Variants in SCHIP1 observed in about 807,000 individuals in gnomAD.
The protein encoded by SCHIP1 is schwannomin-interacting protein 1.
Under a neutral mutation model 29.7 loss-of-function variants are expected in SCHIP1, and 8 were observed. The ratio of observed to expected loss-of-function variants is 0.27; its 90% confidence interval spans 0.16 to 0.49. The LOEUF is 0.49. Ranked by LOEUF, SCHIP1 falls within the 20% of genes least tolerant of loss-of-function variation. The pLI is 0.99. For synonymous variants in SCHIP1, 76 were observed against 94.9 expected (o/e 0.80, Z 1.16); for missense variants, 193 against 294.6 (o/e 0.66, Z 2.52).
chr3:159,659,975 T>C, the SCHIP1 span, among the ~76,000 whole-genome samples: 4 of 152,186 alleles, frequency 2.6e-5, no homozygotes, highest in African/African-American at 4.8e-5. Context: ...TCAAGCAACA[T>C]AGGACACCAT....
chr3:159,449,398 T>C, the SCHIP1 span, among the ~76,000 whole-genome samples: 1 of 152,188 alleles, frequency 6.6e-6, no homozygotes, highest in Admixed American at 6.5e-5. Flanking sequence ...CCTCCTTTTT[T>C]ATTAAAGCAC....
At chr3:159,807,856 C>G in the SCHIP1 span, among the ~76,000 whole-genome samples, 2 of 152,188 alleles carry the variant, frequency 1.3e-5, no homozygotes, top group Non-Finnish European at 2.9e-5. Flanking sequence ...TCCCAATAAC[C>G]CTGTAAGGCA....
the SCHIP1 span, among the ~76,000 whole-genome samples, chr3:159,433,677 T>C: frequency 1.3e-5 from 2 of 152,158 alleles, no homozygotes; most frequent in Non-Finnish European, 2.9e-5. Flanking sequence ...TATCTCAGTT[T>C]TCTTGTCTGT....
the SCHIP1 span, among the ~76,000 whole-genome samples, chr3:159,323,472 C>T: frequency 7.2e-5 from 11 of 152,184 alleles, no homozygotes; most frequent in African/African-American, 2.6e-4. Flanking sequence ...GGTGATTGGT[C>T]TGTGTACACA....
the SCHIP1 span, among the ~76,000 whole-genome samples, chr3:159,308,883 C>A: frequency 2.6e-5 from 4 of 152,178 alleles, no homozygotes; most frequent in Admixed American, 2.6e-4. Context: ...GAGCTGGAGG[C>A]CATAATCCTA....
chr3:159,806,234 C>T, the SCHIP1 span, among the ~76,000 whole-genome samples: 3 of 152,190 alleles, frequency 2.0e-5, no homozygotes, highest in Non-Finnish European at 4.4e-5. Flanking sequence ...TTGTGGAATA[C>T]CCACTATCTG....
At chr3:159,713,387 G>A in the SCHIP1 span, among the ~76,000 whole-genome samples, 734 of 152,240 alleles carry the variant, frequency 4.8e-3, 9 homozygotes, top group Admixed American at 0.022. Context: ...AGTGCATGGA[G>A]GAAGATATGA....
chr3:159,449,944 AAGAG>A, the SCHIP1 span, among the ~76,000 whole-genome samples: 62 of 151,994 alleles, frequency 4.1e-4, no homozygotes, highest in Non-Finnish European at 7.8e-4. Flanking sequence ...AGGAAAGAAA[AAGAG>A]AGAGAAGAGA....
the SCHIP1 span, among the ~76,000 whole-genome samples, chr3:159,605,186 TAGA>T: frequency 6.6e-6 from 1 of 152,104 alleles, no homozygotes; most frequent in Non-Finnish European, 1.5e-5. Context: ...GGCGAAGCAT[TAGA>T]AGGAGGGTGG....
chr3:159,429,186 A>G, the SCHIP1 span, among the ~76,000 whole-genome samples: 1 of 150,026 alleles, frequency 6.7e-6, no homozygotes, highest in Non-Finnish European at 1.5e-5. Flanking sequence ...CCTAAAACTT[A>G]AAGTATAATA....
the SCHIP1 span, among the ~76,000 whole-genome samples, chr3:159,614,310 A>G: frequency 6.6e-6 from 1 of 152,202 alleles, no homozygotes; most frequent in Non-Finnish European, 1.5e-5. Flanking sequence ...TGCAACTGTA[A>G]ATCTAAAGGC....
the SCHIP1 span, among the ~76,000 whole-genome samples, chr3:159,554,856 G>T: frequency 6.6e-6 from 1 of 151,836 alleles, no homozygotes; most frequent in Non-Finnish European, 1.5e-5. Flanking sequence ...AAGTTGCTGT[G>T]GCAAATACTA....
chr3:159,792,565 T>G, the SCHIP1 span, among the ~76,000 whole-genome samples: 1 of 152,238 alleles, frequency 6.6e-6, no homozygotes, highest in African/African-American at 2.4e-5. Flanking sequence ...TTTTGTTTGC[T>G]TAGATATCTG....
chr3:159,307,434 T>G, the SCHIP1 span, among the ~76,000 whole-genome samples: 1 of 152,176 alleles, frequency 6.6e-6, no homozygotes, highest in African/African-American at 2.4e-5. Context: ...ACATATCTAG[T>G]ACATATGCAT....
chr3:159,886,380 C>A, intron 3 of SCHIP1, 56 bp downstream of exon 4: 3 of 1,522,228 alleles, frequency 2.0e-6, no homozygotes, highest in Non-Finnish European at 2.7e-6. Context: ...GGCCATTTAG[C>A]TTCTTTTCTG....
At chr3:159,832,906 C>G in the SCHIP1 span, among the ~76,000 whole-genome samples, 2 of 152,138 alleles carry the variant, frequency 1.3e-5, no homozygotes, top group Non-Finnish European at 2.9e-5. Context: ...ATGACTGTTA[C>G]TACAGTATAT....
chr3:159,640,957 C>A, the SCHIP1 span, among the ~76,000 whole-genome samples: 1 of 152,160 alleles, frequency 6.6e-6, no homozygotes, highest in African/African-American at 2.4e-5. Context: ...TCATGGTGGA[C>A]ACACATTTTT....
chr3:159,466,279 T>C, the SCHIP1 span, among the ~76,000 whole-genome samples: 1 of 152,012 alleles, frequency 6.6e-6, no homozygotes, highest in South Asian at 2.1e-4. Context: ...ATTGTGCTAC[T>C]GCACTGCAGA....
chr3:159,376,568 C>A, the SCHIP1 span, among the ~76,000 whole-genome samples: 1 of 152,148 alleles, frequency 6.6e-6, no homozygotes, highest in African/African-American at 2.4e-5. Context: ...ACCTCAAATC[C>A]CAGGTCTGAT....
Sources: allele counts gnomAD v4.1 joint callset (sites outside exome capture counted in the v4.1 genomes callset), GRCh38; gene constraint gnomAD v4.1.1; transcripts MANE v1.5; gene names NCBI Gene and HGNC (gene_info 2026-07-23, HGNC 2026-07-21).